The following KAT7 variants were observed in gnomAD, a reference collection of about 807,000 sequenced individuals.
KAT7 encodes histone acetyltransferase KAT7.
KAT7 carries 10 observed loss-of-function variants against 82.1 expected under a neutral mutation model. That is an observed-to-expected ratio of 0.12 (90% confidence interval 0.08 to 0.21). The LOEUF (loss-of-function observed/expected upper bound fraction) is 0.21. Ranked by LOEUF, KAT7 falls within the 10% of genes least tolerant of loss-of-function variation. The pLI, the probability that KAT7 is intolerant of heterozygous loss-of-function variation, is 1.00. For synonymous variants in KAT7, 250 were observed against 262.5 expected (o/e 0.95, Z 0.46); for missense variants, 378 against 760.9 (o/e 0.50, Z 5.92).
chr17:49,800,311 A>G (rs925530247), intron 4 of KAT7, among the ~76,000 whole-genome samples: 1 of 152,032 alleles, frequency 6.6e-6, no homozygotes, highest in Non-Finnish European at 1.5e-5. Context: ...ACGCCTGGCC[A>G]TTTCCTGGTC....
chr17:49,816,415 C>A (rs1434364266), intron 8 of KAT7, among the ~76,000 whole-genome samples: 1 of 125,494 alleles, frequency 8.0e-6, no homozygotes, highest in Non-Finnish European at 2.0e-5. Context: ...GTTTTCCATT[C>A]TGATATTTAT....
At chr17:49,795,316 G>C in intron 2 of KAT7, 1 of 170,078 alleles carries the variant, frequency 5.9e-6, no homozygotes, top group Non-Finnish European at 1.3e-5. Flanking sequence ...GGGCTTACAC[G>C]GAGGGAATTG....
At chr17:49,818,597 T>C (rs530534997) in intron 9 of KAT7, among the ~76,000 whole-genome samples, 1 of 152,138 alleles carries the variant, frequency 6.6e-6, no homozygotes, top group Non-Finnish European at 1.5e-5. Context: ...TACTAGATTT[T>C]TTGCAGCTTC....
chr17:49,807,760 G>T (rs2074109290), intron 5 of KAT7, among the ~76,000 whole-genome samples: 1 of 152,164 alleles, frequency 6.6e-6, no homozygotes, highest in South Asian at 2.1e-4. Context: ...CTAAGACTAG[G>T]TTGGATTCAG....
At chr17:49,809,514 C>G (rs1035374146) in intron 6 of KAT7, among the ~76,000 whole-genome samples, 1 of 152,192 alleles carries the variant, frequency 6.6e-6, no homozygotes, top group Admixed American at 6.5e-5. Flanking sequence ...TCCTTTAAGA[C>G]TATTGTAGCT....
intron 4 of KAT7, among the ~76,000 whole-genome samples, chr17:49,803,762 A>G (rs2074055645): frequency 6.6e-6 from 1 of 152,156 alleles, no homozygotes; most frequent in African/African-American, 2.4e-5. Flanking sequence ...CGGAGAAATG[A>G]TGGCCTGAAT....
chr17:49,796,900 A>G lies in KAT7; in HGVS notation c.314A>G (p.Glu105Gly), dbSNP rs1259325383. 6.2e-7 allele frequency: 1 copy of G among 1,614,152 alleles called. No individual in the cohort carries two copies. Among genetic ancestry groups the G allele is most frequent in the Non-Finnish European group, 8.5e-7 (1 of 1,180,018 alleles). The stretch of plus-strand genomic sequence containing the variant: ...ACTCGTTCATCTGGTTCAGAAACTG[A>G]GCAAGTGGTTGATTTTTCAGATAGA... ...RQTRSSGSETEQVVDFSDRET... is the reference protein window; with the variant it reads ...RQTRSSGSETGQVVDFSDRET... Residue 105 changes from glutamate (E) to glycine (G), a missense_variant, in exon 3 of 15, where the codon GAG becomes GGG. This residue lies in a region of KAT7 where 161 missense variants were observed against 229.6 expected (regional missense o/e 0.70). Transcript: ENST00000259021.
At chr17:49,811,115 T>G (rs1038483391) in intron 6 of KAT7, among the ~76,000 whole-genome samples, 2 of 151,946 alleles carry the variant, frequency 1.3e-5, no homozygotes, top group Non-Finnish European at 2.9e-5. Context: ...CTTCTTTTTT[T>G]TTTTTGTTTT....
At chr17:49,816,309 A>G (rs140200093) in intron 8 of KAT7, among the ~76,000 whole-genome samples, 10 of 152,328 alleles carry the variant, frequency 6.6e-5, no homozygotes, top group African/African-American at 2.4e-4. Context: ...TTTCCTCTGC[A>G]CTAAGAATGA....
intron 10 of KAT7, 91 bp downstream of exon 10, chr17:49,821,517 A>G (rs1007199847): frequency 1.9e-5 from 28 of 1,462,110 alleles, no homozygotes; most frequent in Non-Finnish European, 2.6e-5. Context: ...CACCTTGTGA[A>G]GGACATAGAA....
chr17:49,811,469 C>A lies in KAT7; in HGVS notation c.754-7C>A, dbSNP rs1188171773. 1 of 1,423,652 alleles carries A rather than the reference C, an allele frequency of 7.0e-7. No homozygotes were observed. The allele number at this position is 1,423,652 out of a possible 1,614,324, so 88.2% of individuals were successfully genotyped here. On this transcript the variant is annotated splice_region_variant and splice_polypyrimidine_tract_variant and intron_variant, in intron 6 of 14. Transcript: ENST00000259021. ...TTTTCTCTCAGTTTTCTCCTTTTTC[C>A]TTTTAGGCACCAACGGAGAGACAGC... is the stretch of plus-strand genomic sequence containing the variant.
Position 49,821,133 on chromosome 17 carries a change from A to G in KAT7, c.1156-204A>G, listed in dbSNP as rs1053033939. On this transcript the variant is annotated intron_variant, in intron 9 of 14. Transcript: ENST00000259021. ...TCCAGAATACTTGTTCCAGATTGCT[A>G]TAAAAGTGTCATAAATATATTCAAA... 7.0e-4 allele frequency among the ~76,000 whole-genome samples: 106 copies of G among 152,198 alleles called. 1 individual carries two copies. The highest frequency in any genetic ancestry group is 6.9e-3 in the Admixed American group (106 of 15,278).
At position 49,828,731 on chromosome 17, in the gene KAT7, T is replaced by C. The variant is rs2074396903; in HGVS notation, c.*1229T>C. On this transcript the variant is annotated 3_prime_UTR_variant, in exon 15 of 15. Transcript: ENST00000259021. ...TCCCTCTAATTTCTCTCTAGCCCATTATAACCTGCTATCTTGGGGCAACTT... is the reference window on the plus strand; with the variant it reads ...TCCCTCTAATTTCTCTCTAGCCCATCATAACCTGCTATCTTGGGGCAACTT... 6.5e-6 allele frequency: 1 copy of C among 153,094 alleles called. No individual in the cohort carries two copies. Among genetic ancestry groups the C allele is most frequent in the Admixed American group, 6.5e-5 (1 of 15,282 alleles). The allele number at this position is 153,094 out of a possible 1,614,324, so 9.5% of individuals were successfully genotyped here.
At chr17:49,799,604 T>A (rs982815606) in intron 4 of KAT7, among the ~76,000 whole-genome samples, 1 of 152,224 alleles carries the variant, frequency 6.6e-6, no homozygotes, top group African/African-American at 2.4e-5. Context: ...CTCGAACTCC[T>A]GACCTCATGA....
chr17:49,806,740 C>A (rs2074096332), intron 5 of KAT7, among the ~76,000 whole-genome samples: 3 of 152,130 alleles, frequency 2.0e-5, no homozygotes, highest in South Asian at 4.1e-4. Flanking sequence ...TAACGTTAAG[C>A]AGTTTATTTT....
In KAT7 at chr17:49,825,974, A is replaced by G. The variant is rs1452580594; in HGVS notation, c.1481-26A>G. 1.9e-6 allele frequency: 3 copies of G among 1,591,978 alleles called. No homozygotes were observed. In the Admixed American group the frequency reaches 5.2e-5, roughly 28 times the overall value. ...TAGGATAAGATCGAGTGTTGCTAGA[A>G]AAAGTCTGTATTTGTTCCCTGGCAG... is the stretch of plus-strand genomic sequence containing the variant. On this transcript the variant is annotated intron_variant, in intron 12 of 14. Transcript: ENST00000259021.
At chr17:49,825,674 C>T (rs2074360081) in intron 12 of KAT7, among the ~76,000 whole-genome samples, 1 of 152,186 alleles carries the variant, frequency 6.6e-6, no homozygotes, top group Admixed American at 6.5e-5. Context: ...TAAACTGTAG[C>T]ATAGATATGT....
intron 9 of KAT7, among the ~76,000 whole-genome samples, chr17:49,819,294 G>A (rs1483753453): frequency 1.3e-5 from 2 of 152,126 alleles, no homozygotes; most frequent in African/African-American, 4.8e-5. Flanking sequence ...CCAGACCCTG[G>A]CACACTTGAC....
chr17:49,789,174 G>C, intron 1 of KAT7: 1 of 245,604 alleles, frequency 4.1e-6, no homozygotes, highest in Non-Finnish European at 7.9e-6. Flanking sequence ...GTGCGGGGGC[G>C]GTGTCTGGCC....
Sources: gnomAD v4.1 joint callset for allele counts (sites outside exome capture counted in the v4.1 genomes callset) on GRCh38, gnomAD v4.1.1 for gene constraint, gnomAD v4.1.1 regional missense constraint, MANE v1.5 for transcripts, NCBI Gene and HGNC (gene_info 2026-07-23, HGNC 2026-07-21) for gene names.